The following BIRC6 variants were observed in gnomAD, a reference collection of about 807,000 sequenced individuals.
BIRC6 encodes the protein baculoviral IAP repeat containing 6.
A neutral mutation model predicts 503.3 loss-of-function variants in BIRC6; 98 were observed. That is an observed-to-expected ratio of 0.19 (90% confidence interval 0.17 to 0.23). BIRC6 has a LOEUF of 0.23. Among genes scored for constraint, BIRC6 ranks in the 10% least tolerant of loss-of-function variants. The pLI is 1.00. For synonymous variants in BIRC6, 2,240 were observed against 2,078.7 expected (o/e 1.08, Z -2.11); for missense variants, 5,360 against 5,806.0 (o/e 0.92, Z 2.50).
intron 40 of BIRC6, 43 bp downstream of exon 40, chr2:32,485,802 C>A: frequency 7.9e-7 from 1 of 1,266,260 alleles, no homozygotes; most frequent in South Asian, 1.3e-5. Flanking sequence ...GTGAATGATT[C>A]AGCTCTTCAT....
At chr2:32,426,609 A>G (rs2043526692) in intron 10 of BIRC6, among the ~76,000 whole-genome samples, 2 of 152,280 alleles carry the variant, frequency 1.3e-5, no homozygotes, top group South Asian at 4.1e-4. Context: ...GTCTCAAAAC[A>G]AAAAACAAAC....
intron 11 of BIRC6, 109 bp from the exon 12 acceptor site, chr2:32,430,756 G>T: frequency 1.3e-6 from 1 of 760,650 alleles, no homozygotes. Flanking sequence ...TTTGGCAAGT[G>T]TTGCAATAGA....
intron 44 of BIRC6, among the ~76,000 whole-genome samples, chr2:32,492,191 C>T (rs980728686): frequency 3.3e-5 from 5 of 151,930 alleles, no homozygotes; most frequent in African/African-American, 1.2e-4. Context: ...CTTGGATTTG[C>T]CGTCAGATAA....
chr2:32,488,627 A>C lies in BIRC6; in HGVS notation c.8008A>C (p.Asn2670His), dbSNP rs368792559. Residue 2670 changes from asparagine to histidine, a missense_variant, in exon 42 of 74, where the codon AAT becomes CAT. By Grantham distance (68) the Asn-to-His change is moderately conservative. Transcript: ENST00000421745. ...CCAATTGTGGCTCACACTGAGCCTG[A>C]ATTCTAGTTCAACTGGAAACAAAGA... is the stretch of plus-strand genomic sequence containing the variant. ...LLQLWLTLSL[N>H]SSSTGNKENG... The C allele has an allele frequency of 3.3e-6, 5 of 1,534,032 alleles. No homozygotes were observed. Among genetic ancestry groups the C allele is most frequent in the Non-Finnish European group, 4.4e-6 (5 of 1,135,224 alleles).
At position 32,401,532 on chromosome 2, in the gene BIRC6, C is replaced by A; in HGVS notation, c.1327C>A (p.Pro443Thr). The stretch of plus-strand genomic sequence containing the variant: ...ACAACAGCTTATTCTATCAGGAGAC[C>A]CAAGCTCAGGAGTTGATTCAAGGAG... ...IVQQLILSGD[P>T]SSGVDSRRPT... Residue 443 changes from proline (P) to threonine (T), a missense_variant, in exon 8 of 74, where the codon CCA (proline) becomes ACA (threonine). Physicochemically the swap from Pro to Thr is conservative, Grantham distance 38. Transcript: ENST00000421745. 6.2e-7 allele frequency: 1 copy of A among 1,613,900 alleles called. No individual in the cohort carries two copies.
chr2:32,595,375 C>G (rs1253504632), intron 68 of BIRC6, among the ~76,000 whole-genome samples: 1 of 152,100 alleles, frequency 6.6e-6, no homozygotes, highest in Non-Finnish European at 1.5e-5. Flanking sequence ...AAAAATAAAT[C>G]CAAGCCAAGT....
intron 17 of BIRC6, among the ~76,000 whole-genome samples, chr2:32,441,755 G>A (rs1300000147): frequency 1.3e-5 from 2 of 152,018 alleles, no homozygotes; most frequent in Non-Finnish European, 2.9e-5. Flanking sequence ...CAAGACGTGG[G>A]GGTAGGAGGA....
chr2:32,359,269 T>C (rs559840750), intron 1 of BIRC6, among the ~76,000 whole-genome samples: 10 of 152,350 alleles, frequency 6.6e-5, no homozygotes, highest in African/African-American at 2.4e-4. Context: ...AGAAAGTCAT[T>C]AACAAAAGTA....
intron 6 of BIRC6, among the ~76,000 whole-genome samples, chr2:32,398,810 G>A (rs1477393559): frequency 6.6e-6 from 1 of 152,064 alleles, no homozygotes; most frequent in East Asian, 1.9e-4. Flanking sequence ...GGTAAGGTAC[G>A]CTAGATTTAG....
At chr2:32,406,908 C>G (rs369537563) in intron 9 of BIRC6, among the ~76,000 whole-genome samples, 1 of 152,080 alleles carries the variant, frequency 6.6e-6, no homozygotes, top group South Asian at 2.1e-4. Context: ...GAATAAAGAA[C>G]TACATTTTAA....
intron 33 of BIRC6, among the ~76,000 whole-genome samples, chr2:32,475,844 T>G (rs1024145424): frequency 1.3e-5 from 2 of 152,122 alleles, no homozygotes; most frequent in Non-Finnish European, 2.9e-5. Flanking sequence ...CTCTTGAGAT[T>G]TCCATAAAAA....
At chr2:32,381,545 T>G (rs1037818791) in intron 3 of BIRC6, among the ~76,000 whole-genome samples, 1 of 150,682 alleles carries the variant, frequency 6.6e-6, no homozygotes, top group Non-Finnish European at 1.5e-5. Context: ...TGGCTCTTTT[T>G]TTTTTTTTTT....
intron 50 of BIRC6, among the ~76,000 whole-genome samples, chr2:32,507,384 C>A (rs771552319): frequency 6.6e-6 from 1 of 152,072 alleles, no homozygotes; most frequent in East Asian, 1.9e-4. Flanking sequence ...GAGCTAAGAT[C>A]GTGCCACTGC....
At chr2:32,543,647 G>T in intron 62 of BIRC6, 106 bp downstream of exon 62, 1 of 1,145,806 alleles carries the variant, frequency 8.7e-7, no homozygotes, top group Admixed American at 2.5e-5. Flanking sequence ...TAGTTAAGCT[G>T]TTAGATGATT....
In BIRC6 at chr2:32,510,982, A is replaced by G. The variant is rs140036370; in HGVS notation, c.10346+348A>G. Reference sequence around the variant, plus strand: ...GTCATACTGTCTTAGGTAGTACTTTATATGTGTATATGAATGTAGGGATAT... The same window carrying G: ...GTCATACTGTCTTAGGTAGTACTTTGTATGTGTATATGAATGTAGGGATAT... On this transcript the variant is annotated intron_variant, in intron 53 of 73. Coordinates refer to ENST00000421745, the MANE Select transcript of BIRC6 (RefSeq NM_016252.4). 4.6e-5 allele frequency among the ~76,000 whole-genome samples: 7 copies of G among 152,266 alleles called. No individual in the cohort carries two copies. The East Asian group carries it at 1.2e-3, about 25-fold the overall frequency.
At chr2:32,594,951 A>G (rs1319507872) in intron 67 of BIRC6, 83 bp from the exon 68 acceptor site, 4 of 852,574 alleles carry the variant, frequency 4.7e-6, no homozygotes, top group Middle Eastern at 3.7e-4. Flanking sequence ...TTTGAACTCT[A>G]GAGGTGAATT....
intron 16 of BIRC6, 104 bp downstream of exon 16, chr2:32,439,790 A>C (rs896404324): frequency 4.0e-6 from 4 of 1,008,654 alleles, no homozygotes; most frequent in South Asian, 4.0e-5. Context: ...ATGTTTTACT[A>C]TACGCTTGGT....
intron 50 of BIRC6, 74 bp downstream of exon 50, chr2:32,505,279 A>G (rs1170353570): frequency 1.8e-5 from 23 of 1,298,164 alleles, no homozygotes; most frequent in Non-Finnish European, 2.1e-5. Flanking sequence ...AAAAATGTTT[A>G]GTAAGCGGAA....
intron 51 of BIRC6, among the ~76,000 whole-genome samples, chr2:32,508,611 C>CT (rs2054058254): frequency 2.0e-5 from 3 of 152,160 alleles, no homozygotes; most frequent in Admixed American, 2.0e-4. Flanking sequence ...ACCATACCAA[C>CT]TGACCTTAGA....
Sources: allele counts gnomAD v4.1 joint callset (sites outside exome capture counted in the v4.1 genomes callset), GRCh38; gene constraint gnomAD v4.1.1; transcripts MANE v1.5; gene names NCBI Gene and HGNC (gene_info 2026-07-23, HGNC 2026-07-21).